The following FAM81A variants were observed in gnomAD, a reference collection of about 807,000 sequenced individuals.
FAM81A encodes family with sequence similarity 81 member A.
Under a neutral mutation model 46.7 loss-of-function variants are expected in FAM81A, and 19 were observed. The ratio of observed to expected loss-of-function variants is 0.41; its 90% CI spans 0.28 to 0.60. The LOEUF (loss-of-function observed/expected upper bound fraction) is 0.60. FAM81A is among the 20% of genes least tolerant of loss of function. The pLI, the probability that FAM81A is intolerant of heterozygous loss-of-function variation, is 0.34. For missense variants in FAM81A, 377 were observed against 453.5 expected, an observed-to-expected ratio of 0.83 and a Z score of 1.53; for synonymous variants, 183 against 152.9, an observed-to-expected ratio of 1.20 and a Z score of -1.45.
chr15:59,508,991 A>G (rs775587375), intron 6 of FAM81A, 22 bp downstream of exon 6: 63 of 1,578,408 alleles, frequency 4.0e-5, no homozygotes, highest in Non-Finnish European at 4.9e-5. Context: ...ATTTATTAAA[A>G]AAATAAAACT....
rs115934865 is a variant in FAM81A at position 59,455,567 on chromosome 15, G to A, written c.-77-2983G>A. 2.6e-3 allele frequency among the ~76,000 whole-genome samples: 398 copies of A among 152,274 alleles called. 2 individuals are homozygous for A. Among genetic ancestry groups the A allele is most frequent in the African/African-American group, 9.0e-3 (375 of 41,568 alleles). On this transcript the variant is annotated intron_variant, in intron 1 of 8. Transcript: ENST00000288228. ...AGATTCCACGTTCTGGCAAAGAATC[G>A]TGATGCTAACAAACCAAGCGACCTG...
At chr15:59,471,987 G>T (rs768246358) in intron 3 of FAM81A, among the ~76,000 whole-genome samples, 8 of 152,140 alleles carry the variant, frequency 5.3e-5, no homozygotes, top group Non-Finnish European at 8.8e-5. Context: ...GTGTTGCTTT[G>T]GTGCCTTATG....
chr15:59,401,416 T>A, intron 1 of FAM81A: 2 of 802,656 alleles, frequency 2.5e-6, no homozygotes, highest in East Asian at 4.9e-5. Context: ...CACCAAATAT[T>A]GGTAGGCAAA....
At chr15:59,497,640 G>A (rs1421165627) in intron 4 of FAM81A, among the ~76,000 whole-genome samples, 11 of 139,578 alleles carry the variant, frequency 7.9e-5, no homozygotes, top group Admixed American at 7.4e-4. Context: ...AGGATTGCTT[G>A]AGGCCAGGAG....
At chr15:59,499,150 A>T (rs1050893543) in intron 4 of FAM81A, among the ~76,000 whole-genome samples, 18 of 152,166 alleles carry the variant, frequency 1.2e-4, no homozygotes, top group African/African-American at 4.3e-4. Flanking sequence ...GGTTTATTAC[A>T]CTAATTGCTT....
chr15:59,430,256 T>G (rs1449273902), intron 2 of FAM81A, among the ~76,000 whole-genome samples: 19 of 19,036 alleles, frequency 1.0e-3, no homozygotes, highest in Non-Finnish European at 5.9e-3. Flanking sequence ...CTATTTCCCT[T>G]TTTTTTTTTT....
intron 8 of FAM81A, among the ~76,000 whole-genome samples, chr15:59,519,409 A>G (rs59266497): frequency 0.12 from 17,792 of 151,448 alleles, 2,244 homozygotes; most frequent in African/African-American, 0.32. Context: ...GGCTGGTCTC[A>G]AACTACTGAC....
chr15:59,421,919 C>G (rs1328465775), intron 2 of FAM81A, among the ~76,000 whole-genome samples: 2 of 136,224 alleles, frequency 1.5e-5, no homozygotes, highest in African/African-American at 5.5e-5. Flanking sequence ...ATCTATCTAT[C>G]TATCATCTGT....
chr15:59,478,908 C>T (rs2081809122), intron 3 of FAM81A, among the ~76,000 whole-genome samples: 2 of 152,226 alleles, frequency 1.3e-5, no homozygotes. Context: ...TTGATAACAG[C>T]TTAAACCAAA....
chr15:59,479,404 G>T (rs571405094), intron 3 of FAM81A, among the ~76,000 whole-genome samples: 2 of 151,844 alleles, frequency 1.3e-5, no homozygotes, highest in Non-Finnish European at 2.9e-5. Context: ...CCAGCTGCTT[G>T]GGAGGCTGAG....
In FAM81A at chr15:59,522,000, C is replaced by G. The variant is rs992294163; in HGVS notation, c.*622C>G. 8 of 152,446 alleles carry G rather than the reference C, an allele frequency of 5.2e-5. No individual in the cohort carries two copies. The highest frequency in any genetic ancestry group is 1.5e-5 in the Non-Finnish European group (1 of 68,006). The allele number at this position is 152,446 out of a possible 1,614,324, so 9.4% of individuals were successfully genotyped here. A position where few individuals can be genotyped will look rare whatever the true frequency, so the allele number is the denominator to read the frequency against. ...AAATTGCTAACTGCCATGTGGATTG[C>G]AAATTAAATGGAAACTTATTTAGAT... is the stretch of plus-strand genomic sequence containing the variant. On this transcript the variant is annotated 3_prime_UTR_variant, in exon 9 of 9. Transcript: ENST00000288228.
intron 1 of FAM81A, among the ~76,000 whole-genome samples, chr15:59,445,909 A>G (rs1409356145): frequency 6.6e-6 from 1 of 152,208 alleles, no homozygotes; most frequent in Non-Finnish European, 1.5e-5. Flanking sequence ...AAAACACCCT[A>G]AAAGTAATGA....
At chr15:59,421,849 G>A (rs1214314508) in intron 2 of FAM81A, among the ~76,000 whole-genome samples, 1 of 149,772 alleles carries the variant, frequency 6.7e-6, no homozygotes, top group East Asian at 2.0e-4. Flanking sequence ...TATCCTTGGG[G>A]ACAGATTAAA....
intron 1 of FAM81A, among the ~76,000 whole-genome samples, chr15:59,450,767 C>G (rs1271393126): frequency 1.3e-5 from 2 of 152,218 alleles, no homozygotes; most frequent in African/African-American, 4.8e-5. Context: ...CCAAGCAAGA[C>G]AGCCACTTGG....
intron 3 of FAM81A, among the ~76,000 whole-genome samples, chr15:59,480,372 G>A (rs903190522): frequency 6.6e-6 from 1 of 152,152 alleles, no homozygotes; most frequent in African/African-American, 2.4e-5. Flanking sequence ...GGCCTGTCTG[G>A]GGGGCTTAGA....
At chr15:59,417,556 A>AG (rs1345089337) in intron 2 of FAM81A, among the ~76,000 whole-genome samples, 6 of 151,384 alleles carry the variant, frequency 4.0e-5, no homozygotes, top group Non-Finnish European at 5.9e-5. Context: ...AAATACAAAA[A>AG]AAAAAAAAAT....
chr15:59,433,578 C>G (rs2081230462), upstream of FAM81A, among the ~76,000 whole-genome samples: 1 of 152,048 alleles, frequency 6.6e-6, no homozygotes. Flanking sequence ...AGAAAAATTA[C>G]TAGCAAAAAC....
intron 3 of FAM81A, among the ~76,000 whole-genome samples, chr15:59,477,858 A>T (rs944738238): frequency 8.5e-5 from 13 of 152,200 alleles, no homozygotes; most frequent in African/African-American, 3.1e-4. Flanking sequence ...ATACATCTCC[A>T]TCCACAGTGT....
chr15:59,520,827 G>T (rs1279378754), intron 8 of FAM81A, among the ~76,000 whole-genome samples: 2 of 152,182 alleles, frequency 1.3e-5, no homozygotes, highest in African/African-American at 4.8e-5. Context: ...GCCTCCCAAA[G>T]TGCTGGGATT....
Sources: gnomAD v4.1 joint callset for allele counts (sites outside exome capture counted in the v4.1 genomes callset) on GRCh38, gnomAD v4.1.1 for gene constraint, MANE v1.5 for transcripts, NCBI Gene and HGNC (gene_info 2026-07-23, HGNC 2026-07-21) for gene names.